The following CDH9 variants were observed in gnomAD, a reference collection of about 807,000 sequenced individuals.
The protein encoded by CDH9 is cadherin 9, also known as cadherin-9.
A neutral mutation model predicts 70.9 loss-of-function variants in CDH9; 28 were observed. That is an observed-to-expected ratio of 0.40 (90% confidence interval 0.29 to 0.54). CDH9 has a LOEUF of 0.54. Among genes scored for constraint, CDH9 ranks in the 20% least tolerant of loss-of-function variants. The pLI is 0.59. For missense variants in CDH9, 874 were observed against 984.4 expected, an observed-to-expected ratio of 0.89 and a Z score of 1.50; for synonymous variants, 409 against 343.1, an observed-to-expected ratio of 1.19 and a Z score of -2.12.
At chr5:26,889,731 G>T in intron 9 of CDH9, 105 bp downstream of exon 9, 1 of 639,696 alleles carries the variant, frequency 1.6e-6, no homozygotes, top group South Asian at 2.2e-5. Context: ...AAGAAGTATT[G>T]ACAACAGCCT....
At chr5:26,957,951 A>G (rs1579476660) in intron 2 of CDH9, among the ~76,000 whole-genome samples, 3 of 152,332 alleles carry the variant, frequency 2.0e-5, no homozygotes, top group Admixed American at 2.0e-4. Flanking sequence ...TTAGTCTCCC[A>G]TTCAGTTTCA....
chr5:26,924,414 C>T (rs1741299979), intron 2 of CDH9, among the ~76,000 whole-genome samples: 1 of 151,024 alleles, frequency 6.6e-6, no homozygotes, highest in African/African-American at 2.4e-5. Context: ...AAAAGTGTTC[C>T]AACAAAGAAA....
At chr5:26,909,015 A>T (rs568528671) in intron 3 of CDH9, among the ~76,000 whole-genome samples, 7 of 152,226 alleles carry the variant, frequency 4.6e-5, no homozygotes, top group African/African-American at 1.4e-4. Flanking sequence ...ATGCAGTCTC[A>T]CTCTGTAGCC....
At chr5:26,969,747 C>T (rs1004159659) in intron 2 of CDH9, among the ~76,000 whole-genome samples, 2 of 151,790 alleles carry the variant, frequency 1.3e-5, no homozygotes, top group Non-Finnish European at 2.9e-5. Flanking sequence ...AACTCACAAG[C>T]TTTTTTCCCT....
At chr5:26,955,027 A>T (rs76120645) in intron 2 of CDH9, among the ~76,000 whole-genome samples, 2,425 of 152,232 alleles carry the variant, frequency 0.016, 61 homozygotes, top group African/African-American at 0.055. Flanking sequence ...GAATGAGAAC[A>T]TTACTCAAAA....
At chr5:26,906,208 G>A in intron 4 of CDH9, 82 bp from the exon 5 acceptor site, 2 of 1,136,576 alleles carry the variant, frequency 1.8e-6, no homozygotes, top group Non-Finnish European at 2.6e-6. Context: ...TTTTACAAAA[G>A]TTGATTATAA....
At chr5:26,999,934 T>C (rs951605180) in intron 1 of CDH9, among the ~76,000 whole-genome samples, 7 of 152,124 alleles carry the variant, frequency 4.6e-5, no homozygotes, top group Admixed American at 4.6e-4. Flanking sequence ...GGTTTGGCAA[T>C]GAGTTTTAGA....
intron 1 of CDH9, among the ~76,000 whole-genome samples, chr5:26,992,526 G>A (rs1297323780): frequency 6.6e-6 from 1 of 152,124 alleles, no homozygotes; most frequent in Admixed American, 6.6e-5. Context: ...AGTACAGTGA[G>A]AAATTAATTT....
intron 1 of CDH9, among the ~76,000 whole-genome samples, chr5:27,005,260 A>C (rs966825979): frequency 1.3e-5 from 2 of 152,134 alleles, no homozygotes; most frequent in African/African-American, 4.8e-5. Flanking sequence ...GTTTCTTAAG[A>C]AATTAGTCAT....
chr5:26,988,482 A>G (rs1742526098), intron 1 of CDH9, 100 bp from the exon 2 acceptor site: 1 of 1,014,856 alleles, frequency 9.9e-7, no homozygotes, highest in Admixed American at 3.0e-5. Context: ...TTTAAATTTT[A>G]TTATGTACTA....
chr5:26,931,223 C>T (rs1741457106), intron 2 of CDH9, among the ~76,000 whole-genome samples: 2 of 152,054 alleles, frequency 1.3e-5, no homozygotes, highest in African/African-American at 2.4e-5. Flanking sequence ...AGAGTATGTG[C>T]AGAGACTGGA....
intron 1 of CDH9, among the ~76,000 whole-genome samples, chr5:27,016,924 C>T (rs188555534): frequency 3.5e-4 from 53 of 151,842 alleles, no homozygotes; most frequent in African/African-American, 1.2e-3. Context: ...CTCTGAAATC[C>T]GGAGTGTTAA....
chr5:26,920,239 A>T (rs1202621566), intron 2 of CDH9, among the ~76,000 whole-genome samples: 1 of 151,786 alleles, frequency 6.6e-6, no homozygotes, highest in Non-Finnish European at 1.5e-5. Context: ...AGTACTTGTC[A>T]TGGGCCTGAG....
At chr5:26,925,449 GC>G (rs1209485741) in intron 2 of CDH9, among the ~76,000 whole-genome samples, 3 of 152,092 alleles carry the variant, frequency 2.0e-5, no homozygotes, top group Non-Finnish European at 4.4e-5. Context: ...CTAGATATCA[GC>G]CCTTTGTCAG....
At chr5:26,886,277 T>C (rs1740566142) in intron 9 of CDH9, among the ~76,000 whole-genome samples, 194 bp from the exon 10 acceptor site, 1 of 152,180 alleles carries the variant, frequency 6.6e-6, no homozygotes, top group South Asian at 2.1e-4. Flanking sequence ...ACTTATTTAG[T>C]TAAGAGTGGA....
intron 2 of CDH9, among the ~76,000 whole-genome samples, chr5:26,924,417 C>A (rs1224647199): frequency 1.3e-5 from 2 of 151,284 alleles, no homozygotes; most frequent in South Asian, 2.1e-4. Flanking sequence ...AGTGTTCCAA[C>A]AAAGAAAAGC....
chr5:26,886,435 G>A (rs1740568467), intron 9 of CDH9, among the ~76,000 whole-genome samples: 1 of 151,990 alleles, frequency 6.6e-6, no homozygotes, highest in Non-Finnish European at 1.5e-5. Flanking sequence ...TAATTGATGA[G>A]CAATCTGTTA....
At chr5:26,950,324 G>C (rs533904690) in intron 2 of CDH9, among the ~76,000 whole-genome samples, 19 of 152,122 alleles carry the variant, frequency 1.2e-4, no homozygotes, top group Non-Finnish European at 2.4e-4. Flanking sequence ...ATGGGACATG[G>C]AAAAATACTA....
chr5:26,899,891 A>G (rs1740825014), intron 7 of CDH9, among the ~76,000 whole-genome samples: 1 of 151,868 alleles, frequency 6.6e-6, no homozygotes, highest in African/African-American at 2.4e-5. Flanking sequence ...AGAAAAAAAT[A>G]AGCAAAAAAT....
Sources: gnomAD v4.1 joint callset for allele counts (sites outside exome capture counted in the v4.1 genomes callset) on GRCh38, gnomAD v4.1.1 for gene constraint, MANE v1.5 for transcripts, NCBI Gene and HGNC (gene_info 2026-07-23, HGNC 2026-07-21) for gene names.